Variants in ZFHX4 observed in about 807,000 individuals in gnomAD.
The protein encoded by ZFHX4 is zinc finger homeobox protein 4.
A neutral mutation model predicts 267.6 loss-of-function variants in ZFHX4; 56 were observed. That is an observed-to-expected ratio of 0.21 (90% CI 0.17 to 0.26). ZFHX4 has a LOEUF of 0.26. Among genes scored for constraint, ZFHX4 ranks in the 10% least tolerant of loss-of-function variants. The probability of loss-of-function intolerance (pLI) is 1.00; values close to 1 mark genes in which losing one functional copy is unlikely to be tolerated. For missense variants in ZFHX4, 4,332 were observed against 4,420.0 expected (o/e 0.98, Z 0.56); for synonymous variants, 1,778 against 1,665.6 (o/e 1.07, Z -1.64).
At chr8:76,709,422 T>C (rs1270628659) in intron 3 of ZFHX4, among the ~76,000 whole-genome samples, 1 of 152,192 alleles carries the variant, frequency 6.6e-6, no homozygotes, top group Non-Finnish European at 1.5e-5. Flanking sequence ...AAGGATTAAT[T>C]GTATTATAAT....
intron 3 of ZFHX4, among the ~76,000 whole-genome samples, chr8:76,715,160 CTA>C (rs944099524): frequency 2.0e-5 from 3 of 152,082 alleles, no homozygotes; most frequent in African/African-American, 7.2e-5. Context: ...GATGTTGCTA[CTA>C]ATGCATCTCC....
chr8:76,718,059 C>A (rs1346298677), intron 3 of ZFHX4, among the ~76,000 whole-genome samples: 2 of 152,094 alleles, frequency 1.3e-5, no homozygotes, highest in African/African-American at 4.8e-5. Context: ...GTCTAATTGC[C>A]GACACCTCTG....
intron 4 of ZFHX4, among the ~76,000 whole-genome samples, chr8:76,829,157 G>A (rs1392704348): frequency 6.6e-6 from 1 of 151,808 alleles, no homozygotes; most frequent in Admixed American, 6.6e-5. Flanking sequence ...TCCGATATCT[G>A]AATCTTATAA....
In ZFHX4 at chr8:76,864,507, C is replaced by T; in HGVS notation, c.10793C>T (p.Pro3598Leu). The T allele has an allele frequency of 6.2e-7, 1 of 1,612,900 alleles. No individual in the cohort carries two copies. Among genetic ancestry groups the T allele is most frequent in the African/African-American group, 1.3e-5 (1 of 74,962 alleles). Residue 3598 changes from proline to leucine, a missense_variant, in exon 11 of 11, where the codon CCT (proline) becomes CTT (leucine). Physicochemically the swap from Pro to Leu is moderately conservative, Grantham distance 98 (BLOSUM62 -3). Around this residue, in one of 7 missense-constraint regions of ZFHX4, gnomAD observed 1,648 missense variants for 1,625.0 expected, o/e 1.01. Coordinates refer to ENST00000651372, the MANE Select transcript of ZFHX4 (RefSeq NM_024721.5). ...LDNSLEVKAKPASGLDGNFNS... is the reference protein window; with the variant it reads ...LDNSLEVKAKLASGLDGNFNS... Reference sequence around the variant, plus strand: ...AATTCTTTGGAAGTGAAGGCTAAGCCTGCTTCTGGCCTAGATGGTAATTTC... The same window carrying T: ...AATTCTTTGGAAGTGAAGGCTAAGCTTGCTTCTGGCCTAGATGGTAATTTC...
intron 4 of ZFHX4, among the ~76,000 whole-genome samples, chr8:76,814,189 G>A (rs1811446559): frequency 6.6e-6 from 1 of 152,116 alleles, no homozygotes; most frequent in African/African-American, 2.4e-5. Context: ...TGTCACCTCA[G>A]CCTCCTGAAC....
intron 1 of ZFHX4, among the ~76,000 whole-genome samples, chr8:76,696,807 A>C (rs1807971011): frequency 6.6e-6 from 1 of 152,052 alleles, no homozygotes. Context: ...TGTGGTTTTT[A>C]ATATAAAGTT....
chr8:76,809,439 C>A (rs1811322572), intron 4 of ZFHX4, among the ~76,000 whole-genome samples: 1 of 152,132 alleles, frequency 6.6e-6, no homozygotes, highest in Admixed American at 6.5e-5. Context: ...ACAAAGAAAG[C>A]AGCAAATTTA....
At chr8:76,816,247 A>G (rs1344326063) in intron 4 of ZFHX4, among the ~76,000 whole-genome samples, 1 of 152,218 alleles carries the variant, frequency 6.6e-6, no homozygotes, top group Non-Finnish European at 1.5e-5. Flanking sequence ...GTTTTAAAAG[A>G]TGACCATTGT....
chr8:76,717,896 C>T (rs560098437), intron 3 of ZFHX4, among the ~76,000 whole-genome samples: 1 of 152,318 alleles, frequency 6.6e-6, no homozygotes, highest in South Asian at 2.1e-4. Flanking sequence ...TGCATCCAGC[C>T]TGTAAGGATA....
At chr8:76,754,850 C>T (rs1472648922) in intron 3 of ZFHX4, among the ~76,000 whole-genome samples, 1 of 152,064 alleles carries the variant, frequency 6.6e-6, no homozygotes, top group Non-Finnish European at 1.5e-5. Context: ...TTCCTCTTAC[C>T]CTTCCCAGTG....
chr8:76,722,755 G>A (rs1808757150), intron 3 of ZFHX4, among the ~76,000 whole-genome samples: 1 of 151,828 alleles, frequency 6.6e-6, no homozygotes, highest in East Asian at 1.9e-4. Flanking sequence ...CCTTATGTGT[G>A]GAAAATATTA....
At chr8:76,847,555 T>C (rs1349664636) in intron 6 of ZFHX4, among the ~76,000 whole-genome samples, 3 of 152,078 alleles carry the variant, frequency 2.0e-5, no homozygotes, top group Admixed American at 6.6e-5. Context: ...TTGCATTAAT[T>C]CTGTATCTAC....
chr8:76,755,799 G>T (rs1563503508), intron 3 of ZFHX4, among the ~76,000 whole-genome samples: 1 of 152,002 alleles, frequency 6.6e-6, no homozygotes, highest in Non-Finnish European at 1.5e-5. Flanking sequence ...ATCATTTGTT[G>T]CCTTCTAGAT....
rs1406417739 is a variant in ZFHX4 at position 76,713,306 on chromosome 8, TA to T, written c.3093+5259del. On this transcript the variant is annotated intron_variant, in intron 3 of 10. Transcript: ENST00000651372. Reference sequence around the variant, plus strand: ...AAAGATAGATAGATAGATAGATAGATAGATAGATAGATGATAGACAGATAGA... The same window carrying T: ...AAAGATAGATAGATAGATAGATAGATGATAGATAGATGATAGACAGATAGA... Among the ~76,000 whole-genome samples the T allele has an allele frequency of 7.9e-5, 11 of 138,642 alleles. No homozygotes were observed. In the East Asian group the frequency reaches 3.3e-3, roughly 41 times the overall value. 91.0% of individuals were successfully genotyped at this position (138,642 alleles called of 152,430 possible). A position where few individuals can be genotyped will look rare whatever the true frequency, so the allele number is the denominator to read the frequency against.
At chr8:76,793,958 T>C (rs776776998) in intron 4 of ZFHX4, among the ~76,000 whole-genome samples, 13 of 152,192 alleles carry the variant, frequency 8.5e-5, no homozygotes, top group Admixed American at 2.0e-4. Flanking sequence ...CCACTTAAAA[T>C]TGATCTTCTT....
chr8:76,750,496 C>T (rs1265714088), intron 3 of ZFHX4, among the ~76,000 whole-genome samples: 2 of 151,976 alleles, frequency 1.3e-5, no homozygotes, highest in Non-Finnish European at 2.9e-5. Flanking sequence ...AATAACCATA[C>T]AAGGAAGTAG....
rs973232237 is a variant in ZFHX4 at position 76,833,649 on chromosome 8, G to T, written c.3394+243G>T. 9.7e-6 allele frequency: 4 copies of T among 412,610 alleles called. No individual in the cohort carries two copies. The East Asian group carries it at 2.1e-4, about 21-fold the overall frequency. The allele number at this position is 412,610 out of a possible 1,614,324, so 25.6% of individuals were successfully genotyped here. On this transcript the variant is annotated intron_variant, in intron 5 of 10. Coordinates refer to ENST00000651372, the MANE Select transcript of ZFHX4 (RefSeq NM_024721.5). ...AAATTTCCCCAATACCCTCTCCCCT[G>T]ACACATGTATAGCCTCCTTCATTAT...
At chr8:76,835,054 A>G (rs906526472) in intron 5 of ZFHX4, among the ~76,000 whole-genome samples, 1 of 150,914 alleles carries the variant, frequency 6.6e-6, no homozygotes, top group African/African-American at 2.4e-5. Context: ...AACTTCACCT[A>G]AATTATAGGT....
intron 4 of ZFHX4, among the ~76,000 whole-genome samples, chr8:76,825,487 G>A (rs139684934): frequency 1.3e-3 from 198 of 152,300 alleles, no homozygotes; most frequent in African/African-American, 4.4e-3. Flanking sequence ...TTTGAACAAC[G>A]TAGGTTTCTG....
Sources: allele counts gnomAD v4.1 joint callset (sites outside exome capture counted in the v4.1 genomes callset), GRCh38; gene constraint gnomAD v4.1.1; regional missense constraint gnomAD v4.1.1; transcripts MANE v1.5; gene names NCBI Gene and HGNC (gene_info 2026-07-23, HGNC 2026-07-21).